Variants in CPPED1 observed in about 807,000 individuals in gnomAD.
CPPED1 encodes calcineurin like phosphoesterase domain containing 1.
Under a neutral mutation model 28.0 loss-of-function variants are expected in CPPED1, and 28 were observed. The observed-to-expected ratio is 1.00, with a 90% CI of 0.74 to 1.37. The LOEUF (loss-of-function observed/expected upper bound fraction) is 1.37, where lower values mean the gene tolerates loss of function less well. Among genes scored for constraint, CPPED1 ranks in the 40% most tolerant of loss-of-function variants. The probability of loss-of-function intolerance (pLI) is 0.00; values close to 1 mark genes in which losing one functional copy is unlikely to be tolerated. For missense variants in CPPED1, 504 were observed against 416.5 expected, an observed-to-expected ratio of 1.21 and a Z score of -1.83; for synonymous variants, 198 against 180.2, an observed-to-expected ratio of 1.10 and a Z score of -0.79.
chr16:12,731,366 A>AT, intron 2 of CPPED1, among the ~76,000 whole-genome samples: 1 of 149,536 alleles, frequency 6.7e-6, no homozygotes, highest in South Asian at 2.1e-4. Flanking sequence ...CATTAGAAAA[A>AT]TTTTTTTTAA....
At position 12,696,102 on chromosome 16, in the gene CPPED1, C is replaced by T. The variant is rs9928546; in HGVS notation, c.715+8522G>A. 7.2e-4 allele frequency among the ~76,000 whole-genome samples: 110 copies of T among 152,192 alleles called. 1 individual carries two copies. Among genetic ancestry groups the T allele is most frequent in the African/African-American group, 2.5e-3 (102 of 41,518 alleles). ...GACTGGCTGTAATCGTCTATCTTCC[C>T]GCATATCCCAGGAGCCAAGAGAATT... On this transcript the variant is annotated intron_variant, in intron 3 of 3. Transcript: ENST00000381774.
chr16:12,799,872 TG>T (rs2080648731), intron 1 of CPPED1, among the ~76,000 whole-genome samples: 1 of 152,234 alleles, frequency 6.6e-6, no homozygotes, highest in Admixed American at 6.5e-5. Context: ...GATCAAGTGC[TG>T]GCCCCACTTC....
chr16:12,699,626 T>A (rs1307742011), intron 3 of CPPED1, among the ~76,000 whole-genome samples: 1 of 152,138 alleles, frequency 6.6e-6, no homozygotes, highest in Non-Finnish European at 1.5e-5. Flanking sequence ...ACCTCCACGG[T>A]GGTTTGGGGA....
At chr16:12,701,805 C>A (rs13330825) in intron 3 of CPPED1, among the ~76,000 whole-genome samples, 1 of 151,908 alleles carries the variant, frequency 6.6e-6, no homozygotes, top group African/African-American at 2.4e-5. Context: ...TACAGAGACA[C>A]GAAGGAGGTA....
At chr16:12,694,862 C>T (rs964434201) in intron 3 of CPPED1, among the ~76,000 whole-genome samples, 13 of 151,974 alleles carry the variant, frequency 8.6e-5, no homozygotes, top group Non-Finnish European at 1.6e-4. Flanking sequence ...ACTGCAACCT[C>T]CGCCTCCCAG....
At position 12,661,419 on chromosome 16, in the gene CPPED1, A is replaced by G. The variant is rs2079793721; in HGVS notation, c.*3467T>C. 6.6e-6 allele frequency: 1 copy of G among 152,174 alleles called. No individual in the cohort carries two copies. The highest frequency in any genetic ancestry group is 6.5e-5 in the Admixed American group (1 of 15,274). The allele number at this position is 152,174 out of a possible 1,614,324, so 9.4% of individuals were successfully genotyped here. ...TACATTTTTTCCCCATTCTCCCCAA[A>G]CTTAGGAGAAACTTGACTAAAGATG... On this transcript the variant is annotated 3_prime_UTR_variant, in exon 4 of 4. Coordinates refer to ENST00000381774, the MANE Select transcript of CPPED1 (RefSeq NM_018340.3).
rs554235861 is a variant in CPPED1 at position 12,682,963 on chromosome 16, T to C, written c.716-17848A>G. ...AAGAGGCTCATTAAAAAGATTGTTT[T>C]GACTGACAGAATGTTCGTGTATCAA... is the stretch of plus-strand genomic sequence containing the variant. On this transcript the variant is annotated intron_variant, in intron 3 of 3. Coordinates refer to ENST00000381774, the MANE Select transcript of CPPED1 (RefSeq NM_018340.3). The surrounding 1 kb of genome is among the most constrained non-coding windows in gnomAD (Gnocchi z 6.1). Among the ~76,000 whole-genome samples, 1 of 152,350 alleles carries C rather than the reference T, an allele frequency of 6.6e-6. No individual in the cohort carries two copies. The highest frequency in any genetic ancestry group is 1.9e-4 in the East Asian group (1 of 5,182).
intron 1 of CPPED1, among the ~76,000 whole-genome samples, chr16:12,781,659 T>C (rs949983851): frequency 4.6e-5 from 7 of 152,118 alleles, no homozygotes; most frequent in African/African-American, 1.7e-4. Context: ...ACCAAGCTGT[T>C]TGCTGACAAG....
At chr16:12,699,189 A>C (rs957455225) in intron 3 of CPPED1, among the ~76,000 whole-genome samples, 1 of 152,206 alleles carries the variant, frequency 6.6e-6, no homozygotes, top group East Asian at 1.9e-4. Flanking sequence ...CAATTTCTAC[A>C]TCCCTTGGAT....
At chr16:12,702,340 A>T (rs1047138056) in intron 3 of CPPED1, among the ~76,000 whole-genome samples, 7 of 152,078 alleles carry the variant, frequency 4.6e-5, no homozygotes, top group African/African-American at 1.7e-4. Context: ...GTTAAAGCCC[A>T]GTGAGGTGCA....
At chr16:12,668,445 G>T (rs567482610) in intron 3 of CPPED1, among the ~76,000 whole-genome samples, 1 of 152,252 alleles carries the variant, frequency 6.6e-6, no homozygotes, top group East Asian at 1.9e-4. Flanking sequence ...AGAAAAAAAT[G>T]TATAGTTACC....
rs975211294 is a variant in CPPED1 at position 12,682,915 on chromosome 16, A to G, written c.716-17800T>C. On this transcript the variant is annotated intron_variant, in intron 3 of 3. Transcript: ENST00000381774. This position sits in a 1 kb window ranked among gnomAD's most constrained non-coding sequence, Gnocchi z 6.1. Reference sequence around the variant, plus strand: ...ACAATTTTCTAGATTTCCATGCTCTATCTTAAACACAGCTGTCAGGACAAG... The same window carrying G: ...ACAATTTTCTAGATTTCCATGCTCTGTCTTAAACACAGCTGTCAGGACAAG... 1.3e-5 allele frequency among the ~76,000 whole-genome samples: 2 copies of G among 152,370 alleles called. No individual in the cohort carries two copies. Among genetic ancestry groups the G allele is most frequent in the Admixed American group, 6.5e-5 (1 of 15,310 alleles).
intron 1 of CPPED1, among the ~76,000 whole-genome samples, chr16:12,800,330 C>T (rs1289354087): frequency 2.0e-5 from 3 of 151,286 alleles, no homozygotes; most frequent in East Asian, 1.9e-4. Flanking sequence ...CCCAGCTACT[C>T]GGGAGGCTGA....
At chr16:12,700,419 C>T (rs1200653096) in intron 3 of CPPED1, among the ~76,000 whole-genome samples, 2 of 152,234 alleles carry the variant, frequency 1.3e-5, no homozygotes, top group Admixed American at 1.3e-4. Context: ...GAGGTCTGAA[C>T]ATGCTCTGTT....
At chr16:12,668,665 G>A (rs953529306) in intron 3 of CPPED1, among the ~76,000 whole-genome samples, 5 of 152,168 alleles carry the variant, frequency 3.3e-5, no homozygotes, top group African/African-American at 4.8e-5. Flanking sequence ...ATTAACAAGC[G>A]GGAAAGGATT....
intron 3 of CPPED1, among the ~76,000 whole-genome samples, chr16:12,689,132 T>C (rs1225171537): frequency 6.6e-6 from 1 of 152,010 alleles, no homozygotes; most frequent in Non-Finnish European, 1.5e-5. Flanking sequence ...TGGTCTGGGT[T>C]TTTAATGACA....
At position 12,684,506 on chromosome 16, in the gene CPPED1, T is replaced by G. The variant is rs2079922716; in HGVS notation, c.716-19391A>C. ...CCAGTGCCAGTACAGGACGAGCTAT[T>G]TTGTGGCTCCAGCCTCTGCCCATGT... On this transcript the variant is annotated intron_variant, in intron 3 of 3. Coordinates refer to ENST00000381774, the MANE Select transcript of CPPED1 (RefSeq NM_018340.3). 2.0e-5 allele frequency among the ~76,000 whole-genome samples: 3 copies of G among 152,166 alleles called. No individual in the cohort carries two copies. In the South Asian group the frequency reaches 6.2e-4, roughly 32 times the overall value.
At chr16:12,708,590 A>G (rs2080063827) in intron 2 of CPPED1, among the ~76,000 whole-genome samples, 1 of 152,254 alleles carries the variant, frequency 6.6e-6, no homozygotes, top group Non-Finnish European at 1.5e-5. Context: ...GGACAGAAAT[A>G]GTTTTTAGTT....
At chr16:12,739,020 G>C (rs145425202) in intron 2 of CPPED1, among the ~76,000 whole-genome samples, 1 of 152,282 alleles carries the variant, frequency 6.6e-6, no homozygotes, top group East Asian at 1.9e-4. Flanking sequence ...GAGTGGGTTT[G>C]GGAGGGAGGC....
Sources: allele counts gnomAD v4.1 joint callset (sites outside exome capture counted in the v4.1 genomes callset), GRCh38; gene constraint gnomAD v4.1.1; non-coding constraint Gnocchi (gnomAD v3.1); transcripts MANE v1.5; gene names NCBI Gene and HGNC (gene_info 2026-07-23, HGNC 2026-07-21).